ZFHX3: variants seen among roughly 807,000 people sequenced by gnomAD.
The protein encoded by ZFHX3 is zinc finger homeobox protein 3.
ZFHX3 carries 42 observed loss-of-function variants against 279.1 expected under a neutral mutation model. That is an observed-to-expected ratio of 0.15 (90% CI 0.12 to 0.19). ZFHX3 has a LOEUF of 0.19. Among genes scored for constraint, ZFHX3 ranks in the 10% least tolerant of loss-of-function variants. The pLI is 1.00. For missense variants in ZFHX3, 4,981 were observed against 4,754.0 expected (o/e 1.05, Z -1.40); for synonymous variants, 2,293 against 1,957.8 (o/e 1.17, Z -4.52).
intron 1 of ZFHX3, among the ~76,000 whole-genome samples, chr16:72,995,991 G>C (rs1963270168): frequency 6.6e-6 from 1 of 152,166 alleles, no homozygotes; most frequent in Non-Finnish European, 1.5e-5. Flanking sequence ...TTTACTGCCA[G>C]GTGCGGTGGC....
chr16:73,622,819 G>A (rs1291872657), intron 2 of ZFHX3, among the ~76,000 whole-genome samples: 2 of 152,042 alleles, frequency 1.3e-5, no homozygotes, highest in Non-Finnish European at 2.9e-5. Context: ...CAGAAAACTC[G>A]CTCTGCGAAT....
chr16:73,757,267 G>T (rs760343416), intron 1 of ZFHX3, among the ~76,000 whole-genome samples: 1 of 152,148 alleles, frequency 6.6e-6, no homozygotes, highest in Non-Finnish European at 1.5e-5. Flanking sequence ...AATTCCGTGG[G>T]GTCCCTCGTG....
At chr16:73,881,002 G>A (rs2030127100) in intron 1 of ZFHX3, among the ~76,000 whole-genome samples, 1 of 152,164 alleles carries the variant, frequency 6.6e-6, no homozygotes, top group South Asian at 2.1e-4. Context: ...CAAAGGGTAT[G>A]TGGCATTGGG....
chr16:73,005,495 A>T (rs1963669129), intron 1 of ZFHX3: 1 of 151,574 alleles, frequency 6.6e-6, no homozygotes, highest in Admixed American at 6.6e-5. Context: ...ACTCTGTCTC[A>T]AAAAAAGAAA....
rs779563301 is a variant in ZFHX3 at position 72,798,388 on chromosome 16, A to C, written c.4294T>G (p.Cys1432Gly). 1 of 1,614,144 alleles carries C rather than the reference A, an allele frequency of 6.2e-7. No homozygotes were observed. The highest frequency in any genetic ancestry group is 8.5e-7 in the Non-Finnish European group (1 of 1,180,056). The stretch of plus-strand genomic sequence containing the variant: ...GTTCGGAAACTGCGCTGACAAAGAC[A>C]GCACATGGTGGCAGCTCTGATCACA... ...YHVIRAATMC[C>G]LCQRSFRTFQ... is the part of the protein sequence containing the mutation. Residue 1432 changes from cysteine (C) to glycine (G), a missense_variant, in exon 9 of 10, where the codon TGT becomes GGT. Physicochemically the swap from Cys to Gly is radical, Grantham distance 159. Transcript: ENST00000268489.
At chr16:72,963,017 A>C (rs750752379) in intron 1 of ZFHX3, among the ~76,000 whole-genome samples, 1 of 152,148 alleles carries the variant, frequency 6.6e-6, no homozygotes, top group Non-Finnish European at 1.5e-5. Flanking sequence ...CAATAAGAAA[A>C]AGGTAGTTCT....
At chr16:73,621,141 A>G in intron 2 of ZFHX3, among the ~76,000 whole-genome samples, 1 of 152,232 alleles carries the variant, frequency 6.6e-6, no homozygotes, top group South Asian at 2.1e-4. Flanking sequence ...TCCTACTGTC[A>G]TAACATGTGT....
chr16:73,157,815 C>T (rs577670304), intron 5 of ZFHX3, among the ~76,000 whole-genome samples: 12 of 152,164 alleles, frequency 7.9e-5, no homozygotes, highest in South Asian at 4.1e-4. Flanking sequence ...CTGCCATGGA[C>T]GCCATTGGCC....
chr16:73,840,421 GA>G (rs1555504495), intron 1 of ZFHX3, among the ~76,000 whole-genome samples: 2 of 152,168 alleles, frequency 1.3e-5, no homozygotes, highest in African/African-American at 2.4e-5. Context: ...TACCTTTAAA[GA>G]TGGCCTGGAT....
At chr16:73,762,637 T>C (rs1045889728) in intron 1 of ZFHX3, among the ~76,000 whole-genome samples, 2 of 152,218 alleles carry the variant, frequency 1.3e-5, no homozygotes, top group African/African-American at 4.8e-5. Flanking sequence ...CATGGAATAC[T>C]ATGCAGCCAT....
At chr16:73,587,137 C>T (rs2051935638) in intron 2 of ZFHX3, among the ~76,000 whole-genome samples, 1 of 152,142 alleles carries the variant, frequency 6.6e-6, no homozygotes, top group Admixed American at 6.5e-5. Context: ...CTCTCAAAGG[C>T]CTGGGAGAGG....
chr16:73,006,864 T>A (rs1172645844), intron 1 of ZFHX3, among the ~76,000 whole-genome samples: 1 of 152,212 alleles, frequency 6.6e-6, no homozygotes, highest in East Asian at 1.9e-4. Context: ...TTTTGATTAC[T>A]TATAACACCT....
At chr16:73,852,727 C>T (rs1023339364) in intron 1 of ZFHX3, among the ~76,000 whole-genome samples, 6 of 152,084 alleles carry the variant, frequency 3.9e-5, no homozygotes, top group Non-Finnish European at 5.9e-5. Flanking sequence ...CAAGGATGCT[C>T]AAGAGGCAAG....
chr16:72,930,790 A>G (rs1959750623), intron 3 of ZFHX3, among the ~76,000 whole-genome samples: 1 of 152,220 alleles, frequency 6.6e-6, no homozygotes, highest in African/African-American at 2.4e-5. Flanking sequence ...AGAATAAATG[A>G]CCAAATCATT....
At chr16:73,728,463 T>C (rs62042427) in intron 1 of ZFHX3, among the ~76,000 whole-genome samples, 2 of 152,174 alleles carry the variant, frequency 1.3e-5, no homozygotes, top group African/African-American at 2.4e-5. Flanking sequence ...AATAGTCCCA[T>C]CATTGTAAAA....
intron 4 of ZFHX3, among the ~76,000 whole-genome samples, chr16:72,884,910 G>A (rs531029451): frequency 1.3e-5 from 2 of 152,350 alleles, no homozygotes; most frequent in South Asian, 4.1e-4. Flanking sequence ...GTTTCTACCT[G>A]TGGGTGGGTA....
chr16:73,708,419 G>C (rs1450791281), intron 1 of ZFHX3, among the ~76,000 whole-genome samples: 1 of 152,120 alleles, frequency 6.6e-6, no homozygotes, highest in African/African-American at 2.4e-5. Context: ...GTATGACACA[G>C]GTTCATTAAA....
intron 2 of ZFHX3, among the ~76,000 whole-genome samples, chr16:73,548,478 T>A (rs531278766): frequency 1.9e-4 from 29 of 150,130 alleles, no homozygotes; most frequent in African/African-American, 5.1e-4. Flanking sequence ...TTTTTTTTTT[T>A]TAAAAAAAAG....
chr16:73,666,352 T>C lies in ZFHX3; in HGVS notation c.-1547+13828A>G, dbSNP rs1259399737. Among the ~76,000 whole-genome samples the C allele has an allele frequency of 2.0e-5, 3 of 152,074 alleles. No homozygotes were observed. In the East Asian group the frequency reaches 5.8e-4, roughly 29 times the overall value. On this transcript the variant is annotated intron_variant, in intron 2 of 17. Coordinates refer to the ZFHX3 transcript ENST00000641206. ...TATGAAATAATTAAACCTTCTAAAA[T>C]TGTGCTGCTTTTTTCATATACAAAA...
Sources: gnomAD v4.1 joint callset for allele counts (sites outside exome capture counted in the v4.1 genomes callset) on GRCh38, gnomAD v4.1.1 for gene constraint, MANE v1.5 for transcripts, NCBI Gene and HGNC (gene_info 2026-07-23, HGNC 2026-07-21) for gene names.